PRKAR2B: variants seen among roughly 807,000 people sequenced by gnomAD.
PRKAR2B encodes protein kinase cAMP-dependent type II regulatory subunit beta.
Under a neutral mutation model 49.9 loss-of-function variants are expected in PRKAR2B, and 14 were observed. The observed-to-expected ratio is 0.28, with a 90% CI of 0.19 to 0.44. The LOEUF is 0.44. PRKAR2B is among the 20% of genes least tolerant of loss of function. PRKAR2B has a pLI of 1.00. For missense variants in PRKAR2B, 393 were observed against 537.9 expected (o/e 0.73, Z 2.67); for synonymous variants, 196 against 197.7 (o/e 0.99, Z 0.07).
chr7:107,131,651 T>A lies in PRKAR2B; in HGVS notation c.480+3356T>A, dbSNP rs1328614717. On this transcript the variant is annotated intron_variant, in intron 4 of 10. Transcript: ENST00000265717. ...TTTTGAATTTGAGCTCAGACCACCT[T>A]GAATGACTCCCTTACTATTTAAATC... 2.0e-5 allele frequency among the ~76,000 whole-genome samples: 3 copies of A among 152,184 alleles called. No individual in the cohort carries two copies. The East Asian group carries it at 5.8e-4, about 29-fold the overall frequency.
Position 107,126,420 on chromosome 7 carries a change from C to CAAAAAAAAAAAAAAAAAAAAA in PRKAR2B, c.397-1789_397-1769dup, listed in dbSNP as rs35682952. Among the ~76,000 whole-genome samples, 38 of 38,396 alleles carry CAAAAAAAAAAAAAAAAAAAAA rather than the reference C, an allele frequency of 9.9e-4. 1 individual carries two copies. Among genetic ancestry groups the CAAAAAAAAAAAAAAAAAAAAA allele is most frequent in the Non-Finnish European group, 1.6e-3 (31 of 19,220 alleles). The allele number at this position is 38,396 out of a possible 152,430, so 25.2% of individuals were successfully genotyped here. ...TGGGCAACAGAGTGAGAATCTGTCT[C>CAAAAAAAAAAAAAAAAAAAAA]AAAAAAAAAAAAAAAAAAAAAAAGT... On this transcript the variant is annotated intron_variant, in intron 3 of 10. Transcript: ENST00000265717.
At position 107,128,336 on chromosome 7, in the gene PRKAR2B, C is replaced by T. The variant is rs779197865; in HGVS notation, c.480+41C>T. On this transcript the variant is annotated intron_variant, in intron 4 of 10. Transcript: ENST00000265717. Reference sequence around the variant, plus strand: ...ATAATAGAAATGGCTTTGTTTTTTCCCCCAGTGACAGTGTCAAGAACTGTA... The same window carrying T: ...ATAATAGAAATGGCTTTGTTTTTTCTCCCAGTGACAGTGTCAAGAACTGTA... 1.4e-6 allele frequency: 2 copies of T among 1,452,122 alleles called. 1 individual carries two copies. Among genetic ancestry groups the T allele is most frequent in the Admixed American group, 3.4e-5 (2 of 59,550 alleles). The allele number at this position is 1,452,122 out of a possible 1,614,324, so 90.0% of individuals were successfully genotyped here.
chr7:107,133,796 AT>A (rs1250497560), intron 4 of PRKAR2B: 1 of 152,222 alleles, frequency 6.6e-6, no homozygotes, highest in African/African-American at 2.4e-5. Flanking sequence ...TAATTAAAAA[AT>A]ATAAATCAGT....
chr7:107,143,687 A>G (rs1242494652), intron 5 of PRKAR2B, among the ~76,000 whole-genome samples: 1 of 152,226 alleles, frequency 6.6e-6, no homozygotes, highest in Non-Finnish European at 1.5e-5. Flanking sequence ...GATTGTCCAC[A>G]TGGGTGGTTG....
chr7:107,130,926 A>C (rs1009356006), intron 4 of PRKAR2B, among the ~76,000 whole-genome samples: 5 of 152,212 alleles, frequency 3.3e-5, no homozygotes, highest in African/African-American at 1.2e-4. Flanking sequence ...GAGGTCACCA[A>C]AAACAGTGCT....
chr7:107,148,091 T>A (rs1479036352), intron 6 of PRKAR2B, among the ~76,000 whole-genome samples: 1 of 152,218 alleles, frequency 6.6e-6, no homozygotes, highest in Non-Finnish European at 1.5e-5. Flanking sequence ...GAAAGAACTG[T>A]CAGTGATTTG....
chr7:107,062,589 CT>C, intron 1 of PRKAR2B, among the ~76,000 whole-genome samples: 1 of 152,246 alleles, frequency 6.6e-6, no homozygotes. Flanking sequence ...TTCAAGGAAA[CT>C]TTCCAAGGTG....
At chr7:107,070,237 A>G (rs1285212375) in intron 1 of PRKAR2B, 44 bp from the exon 2 acceptor site, 1 of 1,511,498 alleles carries the variant, frequency 6.6e-7, no homozygotes, top group Non-Finnish European at 9.0e-7. Flanking sequence ...TTTTGGGAAA[A>G]TTAGACTTTT....
intron 2 of PRKAR2B, among the ~76,000 whole-genome samples, chr7:107,096,118 G>T (rs1327380454): frequency 6.6e-6 from 1 of 152,182 alleles, no homozygotes; most frequent in East Asian, 1.9e-4. Context: ...ATTTGGCTGT[G>T]AATCCGTCTG....
rs753432825 is a variant in PRKAR2B, at chr7:107,157,359, T to C, written c.1123+35T>C. 29 of 1,590,032 alleles carry C rather than the reference T, an allele frequency of 1.8e-5. No individual in the cohort carries two copies. The East Asian group carries it at 6.3e-4, about 35-fold the overall frequency. On this transcript the variant is annotated intron_variant, in intron 10 of 10. Coordinates refer to ENST00000265717, the MANE Select transcript of PRKAR2B (RefSeq NM_002736.3). ...GCAACAGTGGGCGTGCTTCTGCTGGTTGAACTTATGTCTGCATTTTATGTA... is the reference window on the plus strand; with the variant it reads ...GCAACAGTGGGCGTGCTTCTGCTGGCTGAACTTATGTCTGCATTTTATGTA...
At chr7:107,128,794 T>G (rs1795545830) in intron 4 of PRKAR2B, 1 of 151,474 alleles carries the variant, frequency 6.6e-6, no homozygotes, top group African/African-American at 2.4e-5. Flanking sequence ...GAGGTTTTTT[T>G]TTTTTTTTTT....
chr7:107,108,570 C>G (rs1305924568), intron 2 of PRKAR2B, among the ~76,000 whole-genome samples: 1 of 152,142 alleles, frequency 6.6e-6, no homozygotes, highest in Admixed American at 6.5e-5. Context: ...AGAGGGGAGA[C>G]TCACCTGTCC....
In PRKAR2B at chr7:107,044,834, C is replaced by A; in HGVS notation, c.-74C>A. 8.2e-7 allele frequency: 1 copy of A among 1,220,310 alleles called. No individual in the cohort carries two copies. The highest frequency in any genetic ancestry group is 1.0e-6 in the Non-Finnish European group (1 of 958,522). 75.6% of individuals were successfully genotyped at this position (1,220,310 alleles called of 1,614,324 possible). A position where few individuals can be genotyped will look rare whatever the true frequency, so the allele number is the denominator to read the frequency against. On this transcript the variant is annotated 5_prime_UTR_variant, in exon 1 of 11. Coordinates refer to ENST00000265717, the MANE Select transcript of PRKAR2B (RefSeq NM_002736.3). Reference sequence around the variant, plus strand: ...GCCAGCGCCGTAGGCGCTCGCTCGGCAGCCGCGGGGCCCTAGGCCGTGCCG... The same window carrying A: ...GCCAGCGCCGTAGGCGCTCGCTCGGAAGCCGCGGGGCCCTAGGCCGTGCCG...
chr7:107,045,461 C>G (rs564451163), intron 1 of PRKAR2B, among the ~76,000 whole-genome samples: 3 of 152,272 alleles, frequency 2.0e-5, no homozygotes, highest in African/African-American at 7.2e-5. Flanking sequence ...TGGGATGTTA[C>G]GCTTCCCTCT....
chr7:107,103,078 TAAG>T (rs1238365147), intron 2 of PRKAR2B, among the ~76,000 whole-genome samples: 1 of 152,186 alleles, frequency 6.6e-6, no homozygotes, highest in Non-Finnish European at 1.5e-5. Context: ...ATTTCAAACA[TAAG>T]AAGGGATTAA....
chr7:107,118,906 A>AC (rs1223978170), intron 2 of PRKAR2B, among the ~76,000 whole-genome samples: 2 of 152,182 alleles, frequency 1.3e-5, no homozygotes, highest in African/African-American at 4.8e-5. Context: ...GATGAATTCT[A>AC]ATGTAGTGAA....
intron 2 of PRKAR2B, among the ~76,000 whole-genome samples, chr7:107,094,100 A>G (rs1180619048): frequency 1.3e-5 from 2 of 152,314 alleles, no homozygotes; most frequent in South Asian, 2.1e-4. Flanking sequence ...GTCTTCCACA[A>G]CAGTTGAACT....
At chr7:107,082,100 A>G (rs956993236) in intron 2 of PRKAR2B, 1 of 152,242 alleles carries the variant, frequency 6.6e-6, no homozygotes, top group African/African-American at 2.4e-5. Context: ...TGCAGGAGAA[A>G]TGGAAAACAG....
At chr7:107,051,885 G>A (rs907975432) in intron 1 of PRKAR2B, among the ~76,000 whole-genome samples, 4 of 152,098 alleles carry the variant, frequency 2.6e-5, no homozygotes, top group African/African-American at 9.7e-5. Context: ...TCCTGTATCT[G>A]TTTGACTAAG....
Sources: allele counts gnomAD v4.1 joint callset (sites outside exome capture counted in the v4.1 genomes callset), GRCh38; gene constraint gnomAD v4.1.1; transcripts MANE v1.5; gene names NCBI Gene and HGNC (gene_info 2026-07-23, HGNC 2026-07-21).